JAZF1: variants seen among roughly 807,000 people sequenced by gnomAD.
JAZF1 encodes JAZF zinc finger 1, also known as juxtaposed with another zinc finger protein 1.
JAZF1 carries 8 observed loss-of-function variants against 26.4 expected under a neutral mutation model. The ratio of observed to expected loss-of-function variants is 0.30; its 90% CI spans 0.18 to 0.55. The LOEUF (loss-of-function observed/expected upper bound fraction) is 0.55, where lower values mean the gene tolerates loss of function less well. Among genes scored for constraint, JAZF1 ranks in the 20% least tolerant of loss-of-function variants. The pLI is 0.94. For missense variants in JAZF1, 199 were observed against 322.0 expected (o/e 0.62, Z 2.92); for synonymous variants, 126 against 122.3 (o/e 1.03, Z -0.20).
chr7:28,115,965 G>A (rs182956798), intron 1 of JAZF1, among the ~76,000 whole-genome samples: 183 of 152,110 alleles, frequency 1.2e-3, no homozygotes, highest in Middle Eastern at 0.01. Context: ...CCATATCAAC[G>A]TATGAAGAGT....
chr7:28,155,794 C>T (rs968354568), intron 1 of JAZF1, among the ~76,000 whole-genome samples: 3 of 152,194 alleles, frequency 2.0e-5, no homozygotes, highest in Admixed American at 6.5e-5. Context: ...TGTGTGTGCA[C>T]GCGCACATGG....
intron 1 of JAZF1, among the ~76,000 whole-genome samples, chr7:28,091,860 C>A (rs890614597): frequency 1.3e-5 from 2 of 152,126 alleles, no homozygotes; most frequent in Middle Eastern, 6.8e-3. Flanking sequence ...TGTAATGGAA[C>A]TTAAAAGACT....
intron 2 of JAZF1, 35 bp from the exon 3 acceptor site, chr7:27,895,451 A>G (rs760626623): frequency 8.7e-6 from 13 of 1,498,728 alleles, no homozygotes; most frequent in Non-Finnish European, 1.1e-5. Flanking sequence ...AACCTGGGCC[A>G]TGTATAGAGC....
intron 1 of JAZF1, among the ~76,000 whole-genome samples, chr7:28,168,295 T>C (rs546554017): frequency 1.4e-5 from 2 of 143,058 alleles, no homozygotes; most frequent in South Asian, 2.2e-4. Context: ...GACAGGAGAA[T>C]GGTGTGAACC....
At chr7:28,014,201 G>C (rs1782844524) in intron 1 of JAZF1, among the ~76,000 whole-genome samples, 2 of 152,174 alleles carry the variant, frequency 1.3e-5, no homozygotes, top group Non-Finnish European at 2.9e-5. Flanking sequence ...ATAAAGGAAA[G>C]GAATAGGAAA....
At chr7:28,072,647 G>A (rs147357636) in intron 1 of JAZF1, among the ~76,000 whole-genome samples, 33 of 152,216 alleles carry the variant, frequency 2.2e-4, no homozygotes, top group African/African-American at 7.0e-4. Flanking sequence ...CCATAATTCA[G>A]CTCCCTTCCA....
Position 27,840,907 on chromosome 7 carries a change from C to T in JAZF1, c.386-40G>A. 1 of 1,603,774 alleles carries T rather than the reference C, an allele frequency of 6.2e-7. No homozygotes were observed. Among genetic ancestry groups the T allele is most frequent in the South Asian group, 1.1e-5 (1 of 90,306 alleles). The stretch of plus-strand genomic sequence containing the variant: ...AAGTGCAAGGACTGTCAGGAGCGCT[C>T]ATCTCCCCACAGGTTCACCCGGCCA... On this transcript the variant is annotated intron_variant, in intron 3 of 4. Coordinates refer to ENST00000283928, the MANE Select transcript of JAZF1 (RefSeq NM_175061.4). This position sits in a 1 kb window ranked among gnomAD's most constrained non-coding sequence, Gnocchi z 5.1.
intron 2 of JAZF1, among the ~76,000 whole-genome samples, chr7:27,982,296 AG>A (rs1785601741): frequency 8.8e-6 from 1 of 114,220 alleles, no homozygotes; most frequent in East Asian, 4.1e-4. Context: ...GCACACCAGG[AG>A]ATTATATCCC....
intron 1 of JAZF1, among the ~76,000 whole-genome samples, chr7:28,175,539 A>G (rs1311562939): frequency 6.6e-6 from 1 of 152,232 alleles, no homozygotes; most frequent in Non-Finnish European, 1.5e-5. Context: ...CATTTTACAG[A>G]GGAGGCATAG....
intron 1 of JAZF1, among the ~76,000 whole-genome samples, chr7:28,014,238 G>T (rs1782845204): frequency 6.6e-6 from 1 of 152,202 alleles, no homozygotes; most frequent in Admixed American, 6.5e-5. Flanking sequence ...GTTTTCCTAA[G>T]AGAGCACTGG....
chr7:28,072,667 C>T (rs927908507), intron 1 of JAZF1, among the ~76,000 whole-genome samples: 5 of 152,146 alleles, frequency 3.3e-5, no homozygotes, highest in African/African-American at 9.7e-5. Context: ...ACCACCACCC[C>T]ACCCAAACAT....
chr7:28,110,017 A>T (rs966109452), intron 1 of JAZF1, among the ~76,000 whole-genome samples: 1 of 152,260 alleles, frequency 6.6e-6, no homozygotes, highest in Non-Finnish European at 1.5e-5. Context: ...TTTAAGGAAC[A>T]GTTGCACGTC....
chr7:27,908,513 C>T (rs1409562905), intron 2 of JAZF1, among the ~76,000 whole-genome samples: 2 of 152,084 alleles, frequency 1.3e-5, no homozygotes, highest in Non-Finnish European at 2.9e-5. Context: ...AACTTAAAAG[C>T]ATTAAATAAA....
intron 3 of JAZF1, among the ~76,000 whole-genome samples, chr7:27,870,421 C>A (rs950059843): frequency 6.6e-6 from 1 of 152,046 alleles, no homozygotes; most frequent in Admixed American, 6.6e-5. Context: ...TGGGCTGGGA[C>A]CCTGTTTGAT....
At chr7:27,982,330 C>CGCCCGGCTCAGAGGGTCCCAT (rs1386707679) in intron 2 of JAZF1, among the ~76,000 whole-genome samples, 5 of 152,118 alleles carry the variant, frequency 3.3e-5, no homozygotes, top group African/African-American at 1.2e-4. Context: ...GAGGGTCCCA[C>CGCCCGGCTCAGAGGGTCCCAT]GCCCATGGAG....
chr7:28,166,694 T>A (rs1783373430), intron 1 of JAZF1, among the ~76,000 whole-genome samples: 1 of 152,242 alleles, frequency 6.6e-6, no homozygotes, highest in South Asian at 2.1e-4. Context: ...ATTTTTCTAA[T>A]CACATGATCT....
At chr7:27,907,876 A>ATGAGT (rs1216241306) in intron 2 of JAZF1, among the ~76,000 whole-genome samples, 6 of 152,190 alleles carry the variant, frequency 3.9e-5, no homozygotes, top group Admixed American at 6.5e-5. Context: ...TTTGGGACTC[A>ATGAGT]GCCTTACAGT....
chr7:27,886,837 C>T (rs189735163), intron 3 of JAZF1, among the ~76,000 whole-genome samples: 8,750 of 152,248 alleles, frequency 0.057, 364 homozygotes, highest in Middle Eastern at 0.085. Flanking sequence ...ATAGCAAAGA[C>T]ATGGAATCAA....
intron 1 of JAZF1, among the ~76,000 whole-genome samples, chr7:28,151,662 C>A (rs1783113525): frequency 6.6e-6 from 1 of 151,672 alleles, no homozygotes; most frequent in Non-Finnish European, 1.5e-5. Flanking sequence ...GTTAGCCGGG[C>A]ATGATGGCGC....
Sources: gnomAD v4.1 joint callset for allele counts (sites outside exome capture counted in the v4.1 genomes callset) on GRCh38, gnomAD v4.1.1 for gene constraint, Gnocchi (gnomAD v3.1) non-coding constraint, MANE v1.5 for transcripts, NCBI Gene and HGNC (gene_info 2026-07-23, HGNC 2026-07-21) for gene names.